SMC6: variants seen among roughly 807,000 people sequenced by gnomAD.
SMC6 encodes structural maintenance of chromosomes 6, also known as structural maintenance of chromosomes protein 6.
SMC6 carries 79 observed loss-of-function variants against 142.2 expected under a neutral mutation model. The ratio of observed to expected loss-of-function variants is 0.56; its 90% CI spans 0.46 to 0.67. SMC6 has a LOEUF of 0.67. Among genes scored for constraint, SMC6 ranks in the 30% least tolerant of loss-of-function variants. The pLI is 0.00. For synonymous variants in SMC6, 411 were observed against 412.4 expected (o/e 1.00, Z 0.04); for missense variants, 1,072 against 1,284.0 (o/e 0.83, Z 2.52).
At chr2:17,668,301 T>C (rs1666596204) in intron 26 of SMC6, among the ~76,000 whole-genome samples, 1 of 152,308 alleles carries the variant, frequency 6.6e-6, no homozygotes, top group East Asian at 1.9e-4. Flanking sequence ...TGGAGGAATA[T>C]CTAACCCATT....
At chr2:17,712,622 G>A (rs914685180) in intron 16 of SMC6, among the ~76,000 whole-genome samples, 2 of 152,270 alleles carry the variant, frequency 1.3e-5, no homozygotes, top group Non-Finnish European at 2.9e-5. Context: ...GTTATCTAGC[G>A]TAAGCCTAAA....
intron 11 of SMC6, among the ~76,000 whole-genome samples, chr2:17,719,299 C>G (rs1422384484): frequency 6.6e-6 from 1 of 152,160 alleles, no homozygotes. Flanking sequence ...AGTTTAAAGT[C>G]TGCTTTAGAC....
intron 2 of SMC6, among the ~76,000 whole-genome samples, chr2:17,750,504 G>T (rs897700197): frequency 2.0e-5 from 3 of 152,164 alleles, no homozygotes; most frequent in African/African-American, 4.8e-5. Flanking sequence ...CTACAACTTA[G>T]TTCTAACATA....
chr2:17,691,168 C>T (rs1235631219), intron 23 of SMC6, among the ~76,000 whole-genome samples: 1 of 150,302 alleles, frequency 6.7e-6, no homozygotes. Flanking sequence ...AGCAACTATT[C>T]ACAATAGCCA....
chr2:17,727,524 T>C (rs1486947561), intron 7 of SMC6, among the ~76,000 whole-genome samples: 2 of 135,668 alleles, frequency 1.5e-5, no homozygotes, highest in Non-Finnish European at 1.6e-5. Flanking sequence ...TATATATATA[T>C]ATACACACAC....
At chr2:17,694,657 CAA>C (rs1667906606) in intron 23 of SMC6, among the ~76,000 whole-genome samples, 1 of 152,112 alleles carries the variant, frequency 6.6e-6, no homozygotes, top group African/African-American at 2.4e-5. Context: ...GCTAATTTGC[CAA>C]AGTCACATAA....
chr2:17,738,521 CCATT>C (rs1300966804), intron 4 of SMC6, among the ~76,000 whole-genome samples, 195 bp from the exon 5 acceptor site: 1 of 152,076 alleles, frequency 6.6e-6, no homozygotes, highest in African/African-American at 2.4e-5. Flanking sequence ...AATTGAACTG[CCATT>C]ATTAGCAAAA....
At chr2:17,683,569 TATAA>T in intron 24 of SMC6, 65 bp downstream of exon 24, 1 of 1,341,770 alleles carries the variant, frequency 7.5e-7, no homozygotes. Flanking sequence ...AACAGAATTA[TATAA>T]ATAATATGAA....
intron 3 of SMC6, 32 bp downstream of exon 3, chr2:17,745,795 C>T: frequency 6.4e-7 from 1 of 1,560,996 alleles, no homozygotes; most frequent in Non-Finnish European, 8.7e-7. Flanking sequence ...AAAAACATAT[C>T]AAAAAGCATA....
At chr2:17,743,382 G>A (rs1670571525) in intron 3 of SMC6, among the ~76,000 whole-genome samples, 1 of 151,946 alleles carries the variant, frequency 6.6e-6, no homozygotes, top group Admixed American at 6.6e-5. Context: ...TATTAGTCCT[G>A]TACATATTTT....
intron 2 of SMC6, among the ~76,000 whole-genome samples, chr2:17,750,048 G>A (rs141945116): frequency 2.3e-4 from 35 of 152,194 alleles, no homozygotes; most frequent in African/African-American, 7.7e-4. Flanking sequence ...AATATATCAC[G>A]AAATTATATG....
chr2:17,749,411 C>A (rs1389070524), intron 2 of SMC6, among the ~76,000 whole-genome samples: 1 of 152,062 alleles, frequency 6.6e-6, no homozygotes, highest in Non-Finnish European at 1.5e-5. Flanking sequence ...AATTAATGGC[C>A]GGGCGCGGTG....
intron 23 of SMC6, among the ~76,000 whole-genome samples, chr2:17,685,890 A>G (rs1242509136): frequency 6.6e-6 from 1 of 151,982 alleles, no homozygotes; most frequent in African/African-American, 2.4e-5. Flanking sequence ...CTCCATATAT[A>G]TCTATATATA....
intron 25 of SMC6, 125 bp from the exon 26 acceptor site, chr2:17,670,700 GA>G (rs1161947029): frequency 1.0e-6 from 1 of 993,654 alleles, no homozygotes; most frequent in African/African-American, 1.7e-5. Flanking sequence ...ATGACTTAGT[GA>G]TTTGGAAATA....
chr2:17,749,560 C>T (rs1228481212), intron 2 of SMC6, among the ~76,000 whole-genome samples: 5 of 151,966 alleles, frequency 3.3e-5, no homozygotes, highest in African/African-American at 4.8e-5. Context: ...TGGTGGCGCG[C>T]GCCTATAGTC....
chr2:17,684,628 A>C (rs1388064555), intron 23 of SMC6, among the ~76,000 whole-genome samples: 2 of 152,194 alleles, frequency 1.3e-5, no homozygotes, highest in Admixed American at 6.5e-5. Context: ...ATTAGAGACC[A>C]GCTTGGACAA....
rs746103024 is a variant in SMC6 at position 17,716,137 on chromosome 2, C to T, written c.1474G>A (p.Asp492Asn). ...PNVPALLEAIDDAYRQGHFTY... is the reference protein window; with the variant it reads ...PNVPALLEAINDAYRQGHFTY... ...AAATGTCCTTGTCTATAAGCATCAT[C>T]TATGGCTTCAAGAAGAGCTGGAACA... Residue 492 changes from aspartate (D) to asparagine (N), a missense_variant, in exon 15 of 28, where the codon GAT becomes AAT. By Grantham distance (23) the Asp-to-Asn change is conservative (BLOSUM62 1). Around this residue, in one of 3 missense-constraint regions of SMC6, gnomAD observed 994 missense variants for 1,153.2 expected, o/e 0.86. Coordinates refer to ENST00000448223, the MANE Select transcript of SMC6 (RefSeq NM_001142286.2). 1.5e-5 allele frequency: 24 copies of T among 1,610,024 alleles called. 1 individual carries two copies. In the African/African-American group the frequency reaches 3.2e-4, roughly 22 times the overall value.
intron 2 of SMC6, chr2:17,746,545 T>A (rs1670752806): frequency 6.6e-6 from 1 of 152,190 alleles, no homozygotes; most frequent in African/African-American, 2.4e-5. Flanking sequence ...AAGAATCATA[T>A]TTTGAAGCAC....
chr2:17,735,409 CAT>C (rs921487106), intron 5 of SMC6, among the ~76,000 whole-genome samples: 10 of 152,156 alleles, frequency 6.6e-5, no homozygotes, highest in Non-Finnish European at 1.3e-4. Flanking sequence ...TAAGAAAAGT[CAT>C]ATAAAAAGAT....
Sources: gnomAD v4.1 joint callset for allele counts (sites outside exome capture counted in the v4.1 genomes callset) on GRCh38, gnomAD v4.1.1 for gene constraint, gnomAD v4.1.1 regional missense constraint, MANE v1.5 for transcripts, NCBI Gene and HGNC (gene_info 2026-07-23, HGNC 2026-07-21) for gene names.